Variants in C10orf53 observed in about 807,000 individuals in gnomAD.
The protein encoded by C10orf53 is chromosome 10 open reading frame 53.
Under a neutral mutation model 9.4 loss-of-function variants are expected in C10orf53, and 8 were observed. That is an observed-to-expected ratio of 0.85 (90% confidence interval 0.50 to 1.53). The LOEUF (loss-of-function observed/expected upper bound fraction) is 1.53, where lower values mean the gene tolerates loss of function less well. Ranked by LOEUF, C10orf53 falls within the 40% of genes most tolerant of loss-of-function variation. The pLI is 0.00. For missense variants in C10orf53, 117 were observed against 117.8 expected, an observed-to-expected ratio of 0.99 and a Z score of 0.03; for synonymous variants, 48 against 46.0, an observed-to-expected ratio of 1.04 and a Z score of -0.18.
chr10:49,697,357 A>C lies in C10orf53; in HGVS notation c.*2755A>C, dbSNP rs879422502. Among the ~76,000 whole-genome samples, 3 of 152,186 alleles carry C rather than the reference A, an allele frequency of 2.0e-5. No homozygotes were observed. The highest frequency in any genetic ancestry group is 4.4e-5 in the Non-Finnish European group (3 of 68,040). On this transcript the variant is annotated 3_prime_UTR_variant, in exon 3 of 3. Transcript: ENST00000374111. ...AGCACGCACCTCCCTGCCCAGAAGC[A>C]AGAGACACAGCTTGCTCCCCATCAA...
intron 1 of C10orf53, among the ~76,000 whole-genome samples, chr10:49,690,062 A>C (rs1304957274): frequency 6.6e-6 from 1 of 152,128 alleles, no homozygotes; most frequent in African/African-American, 2.4e-5. Flanking sequence ...TGGTGAGCTG[A>C]AGGCTTCCCT....
chr10:49,683,638 G>T (rs1840500029), intron 1 of C10orf53, among the ~76,000 whole-genome samples: 1 of 152,158 alleles, frequency 6.6e-6, no homozygotes, highest in South Asian at 2.1e-4. Context: ...ACTTTGGGAG[G>T]CTGAGGCAGG....
intron 1 of C10orf53, among the ~76,000 whole-genome samples, chr10:49,683,851 G>T (rs1163726834): frequency 2.6e-5 from 4 of 152,156 alleles, no homozygotes; most frequent in African/African-American, 9.7e-5. Flanking sequence ...AATCAAGATT[G>T]TGCCACTGCA....
chr10:49,693,974 T>A, intron 2 of C10orf53, 81 bp downstream of exon 2: 1 of 1,579,434 alleles, frequency 6.3e-7, no homozygotes, highest in Non-Finnish European at 8.7e-7. Flanking sequence ...ATGATCAGTG[T>A]ATCATGCCTG....
intron 2 of C10orf53, among the ~76,000 whole-genome samples, chr10:49,704,725 C>T (rs1051021565): frequency 6.6e-6 from 1 of 152,178 alleles, no homozygotes; most frequent in African/African-American, 2.4e-5. Context: ...CCCTGGGTGG[C>T]AGAGCGAGAC....
At chr10:49,708,927 A>G (rs980119771) in exon 3 of C10orf53, 2 of 325,948 alleles carry the variant, frequency 6.1e-6, no homozygotes, top group Non-Finnish European at 1.1e-5. Flanking sequence ...TTTCTCAACA[A>G]TGCCAGTGCT....
chr10:49,686,964 G>T (rs184532185), intron 1 of C10orf53, among the ~76,000 whole-genome samples: 4 of 152,334 alleles, frequency 2.6e-5, no homozygotes, highest in Non-Finnish European at 5.9e-5. Flanking sequence ...CTATCTTCAA[G>T]ACTGCCACCA....
intron 1 of C10orf53, among the ~76,000 whole-genome samples, chr10:49,689,693 A>G (rs1356423102): frequency 1.3e-5 from 2 of 152,130 alleles, no homozygotes; most frequent in Non-Finnish European, 2.9e-5. Flanking sequence ...GAATGCAGCC[A>G]CTCTATGTGT....
intron 2 of C10orf53, chr10:49,708,304 C>A: frequency 6.3e-7 from 1 of 1,590,044 alleles, no homozygotes; most frequent in Non-Finnish European, 8.6e-7. Flanking sequence ...TCGACAACAG[C>A]AGGACTCTGT....
chr10:49,707,147 T>A (rs1219931346), intron 2 of C10orf53, among the ~76,000 whole-genome samples: 2 of 118,366 alleles, frequency 1.7e-5, no homozygotes, highest in Non-Finnish European at 3.9e-5. Context: ...ATGGACCATC[T>A]CAGATGTAAC....
At chr10:49,707,231 G>A (rs1840729138) in intron 2 of C10orf53, among the ~76,000 whole-genome samples, 1 of 152,132 alleles carries the variant, frequency 6.6e-6, no homozygotes, top group African/African-American at 2.4e-5. Flanking sequence ...GGGGAAACTG[G>A]GTCTTAGTGG....
At chr10:49,683,045 A>G (rs1840495227) in intron 1 of C10orf53, among the ~76,000 whole-genome samples, 1 of 152,230 alleles carries the variant, frequency 6.6e-6, no homozygotes, top group Admixed American at 6.5e-5. Context: ...CTGGTAAACA[A>G]ATATCTGTTT....
At chr10:49,707,428 T>G (rs978058494) in intron 2 of C10orf53, among the ~76,000 whole-genome samples, 7 of 152,180 alleles carry the variant, frequency 4.6e-5, no homozygotes, top group South Asian at 2.1e-4. Flanking sequence ...TCCATCACCA[T>G]AATCAATGAC....
intron 2 of C10orf53, among the ~76,000 whole-genome samples, chr10:49,704,679 G>T (rs1840710200): frequency 2.0e-5 from 3 of 152,208 alleles, no homozygotes; most frequent in Admixed American, 6.5e-5. Flanking sequence ...AGGAGGCAGA[G>T]GTTGCAGTGA....
exon 3 of C10orf53, chr10:49,708,514 G>T: frequency 6.2e-7 from 1 of 1,614,152 alleles, no homozygotes; most frequent in Non-Finnish European, 8.5e-7. Flanking sequence ...GCCCAGATTG[G>T]ATCATGTATC....
At position 49,694,679 on chromosome 10, in the gene C10orf53, C is replaced by T. The variant is rs1840618124; in HGVS notation, c.*77C>T. 3 of 1,608,592 alleles carry T rather than the reference C, an allele frequency of 1.9e-6. No homozygotes were observed. The highest frequency in any genetic ancestry group is 2.5e-6 in the Non-Finnish European group (3 of 1,177,352). On this transcript the variant is annotated 3_prime_UTR_variant, in exon 3 of 3. Coordinates refer to ENST00000374111, the MANE Select transcript of C10orf53 (RefSeq NM_001042427.3). ...CATTCTATGATGCAGGCAGAAGTGG[C>T]TGTGCCACGGTGTGGACACTGGGCT...
exon 3 of C10orf53, chr10:49,709,382 C>T (rs923050090): frequency 2.6e-5 from 4 of 152,218 alleles, no homozygotes; most frequent in African/African-American, 4.8e-5. Flanking sequence ...GGTAAGCTGC[C>T]GTTTCTGGCC....
downstream of C10orf53, among the ~76,000 whole-genome samples, chr10:49,699,586 A>T (rs919856990): frequency 1.5e-4 from 23 of 152,008 alleles, no homozygotes; most frequent in African/African-American, 5.6e-4. Context: ...CCTGCTTCTG[A>T]TCAAGGAGCA....
rs1000925449 is a variant in C10orf53 at position 49,679,810 on chromosome 10, G to T, written c.97+16G>T. The T allele has an allele frequency of 1.3e-6, 2 of 1,526,252 alleles. 1 individual carries two copies. Among genetic ancestry groups the T allele is most frequent in the Admixed American group, 4.1e-5 (2 of 49,100 alleles). 94.5% of individuals were successfully genotyped at this position (1,526,252 alleles called of 1,614,324 possible). ...GGCCTGCAAGGTGGGCCTCCTCGCCGCGTGCGCCCCTGAGGGCCCCAGCCT... is the reference window on the plus strand; with the variant it reads ...GGCCTGCAAGGTGGGCCTCCTCGCCTCGTGCGCCCCTGAGGGCCCCAGCCT... On this transcript the variant is annotated intron_variant, in intron 1 of 2. Coordinates refer to ENST00000374111, the MANE Select transcript of C10orf53 (RefSeq NM_001042427.3).
Sources: allele counts gnomAD v4.1 joint callset (sites outside exome capture counted in the v4.1 genomes callset), GRCh38; gene constraint gnomAD v4.1.1; transcripts MANE v1.5; gene names NCBI Gene and HGNC (gene_info 2026-07-23, HGNC 2026-07-21).